The following RGS6 variants were observed in gnomAD, a reference collection of about 807,000 sequenced individuals.
RGS6 encodes regulator of G-protein signaling 6.
RGS6 carries 30 observed loss-of-function variants against 78.5 expected under a neutral mutation model. That is an observed-to-expected ratio of 0.38 (90% CI 0.29 to 0.52). RGS6 has a LOEUF of 0.52. Ranked by LOEUF, RGS6 falls within the 20% of genes least tolerant of loss-of-function variation. The pLI is 0.85. For missense variants in RGS6, 495 were observed against 609.7 expected (o/e 0.81, Z 1.98); for synonymous variants, 206 against 206.0 (o/e 1.00, Z 0.00).
In RGS6 at chr14:72,168,381, C is replaced by T. The variant is rs139114547; in HGVS notation, c.85-183714C>T. The stretch of plus-strand genomic sequence containing the variant: ...GAGAGTGGACGTGGAATCCTGATGG[C>T]GGGGAATCCCAGGGTCCTGTGACCC... On this transcript the variant is annotated intron_variant, in intron 2 of 17. Transcript: ENST00000553525. Among the ~76,000 whole-genome samples, 483 of 152,252 alleles carry T rather than the reference C, an allele frequency of 3.2e-3. 4 individuals are homozygous for T. Among genetic ancestry groups the T allele is most frequent in the African/African-American group, 0.01 (425 of 41,548 alleles).
intron 2 of RGS6, among the ~76,000 whole-genome samples, chr14:72,320,080 TA>T (rs1176430284): frequency 6.6e-6 from 1 of 151,874 alleles, no homozygotes; most frequent in Non-Finnish European, 1.5e-5. Flanking sequence ...GACCACAGTT[TA>T]AAAAAAACCT....
chr14:72,279,787 T>C (rs996694609), intron 2 of RGS6, among the ~76,000 whole-genome samples: 2 of 152,086 alleles, frequency 1.3e-5, no homozygotes, highest in African/African-American at 4.8e-5. Flanking sequence ...AGGGTGGCAA[T>C]TGAGATAGAT....
intron 4 of RGS6, among the ~76,000 whole-genome samples, chr14:72,457,109 A>AG (rs1394164816): frequency 6.9e-6 from 1 of 143,960 alleles, no homozygotes; most frequent in Non-Finnish European, 1.5e-5. Context: ...AAAAAAAAAA[A>AG]TAGCAAATTG....
intron 3 of RGS6, among the ~76,000 whole-genome samples, chr14:72,418,083 G>A (rs541655807): frequency 2.6e-5 from 4 of 152,096 alleles, no homozygotes; most frequent in African/African-American, 9.6e-5. Flanking sequence ...CAAAAGCCAC[G>A]GCCCATTTTA....
intron 2 of RGS6, among the ~76,000 whole-genome samples, chr14:72,330,624 A>G (rs1477253015): frequency 6.6e-6 from 1 of 152,190 alleles, no homozygotes; most frequent in Non-Finnish European, 1.5e-5. Context: ...ACCTCTGCAG[A>G]GTGGGATTTA....
intron 3 of RGS6, among the ~76,000 whole-genome samples, chr14:72,373,079 A>T (rs1053271725): frequency 2.0e-5 from 3 of 152,188 alleles, no homozygotes; most frequent in Non-Finnish European, 4.4e-5. Flanking sequence ...ACAGAGAAAG[A>T]GAGGAAAAGA....
At chr14:72,492,718 C>T (rs1201678352) in intron 12 of RGS6, among the ~76,000 whole-genome samples, 2 of 152,104 alleles carry the variant, frequency 1.3e-5, no homozygotes, top group African/African-American at 4.8e-5. Context: ...CCTCCCCGAC[C>T]CTGCTCTCAG....
rs548197943 is a variant in RGS6, at chr14:72,452,982, G to A, written c.185-1546G>A. Among the ~76,000 whole-genome samples, 18 of 152,338 alleles carry A rather than the reference G, an allele frequency of 1.2e-4. No individual in the cohort carries two copies. In the South Asian group the frequency reaches 3.5e-3, roughly 30 times the overall value. ...GGAACTCCAGGCCACACCCTGCAAG[G>A]AAGCAGCTGAGGGACCCAGGCCTGT... On this transcript the variant is annotated intron_variant, in intron 3 of 17. Coordinates refer to ENST00000553525, the MANE Select transcript of RGS6 (RefSeq NM_001204424.2).
At chr14:72,371,484 G>A (rs774014391) in intron 3 of RGS6, among the ~76,000 whole-genome samples, 6 of 152,110 alleles carry the variant, frequency 3.9e-5, no homozygotes, top group Non-Finnish European at 5.9e-5. Flanking sequence ...ATTCTGGGCC[G>A]GGCATGGTGG....
chr14:72,342,866 C>G (rs2077306256), intron 2 of RGS6, among the ~76,000 whole-genome samples: 2 of 152,140 alleles, frequency 1.3e-5, no homozygotes, highest in Non-Finnish European at 1.5e-5. Flanking sequence ...CAGGCATCTT[C>G]CCTGTCGTCA....
At chr14:71,877,735 C>T in the RGS6 span, among the ~76,000 whole-genome samples, 1 of 152,216 alleles carries the variant, frequency 6.6e-6, no homozygotes, top group African/African-American at 2.4e-5. Context: ...CAAGAAGCTG[C>T]ATTCCTTTGG....
intron 1 of RGS6, among the ~76,000 whole-genome samples, chr14:71,954,401 G>T (rs1566901819): frequency 6.6e-6 from 1 of 151,600 alleles, no homozygotes; most frequent in Non-Finnish European, 1.5e-5. Flanking sequence ...GGAAATTCAT[G>T]ATTGACTTTC....
chr14:72,286,366 A>G (rs993356635), intron 2 of RGS6, among the ~76,000 whole-genome samples: 2 of 152,128 alleles, frequency 1.3e-5, no homozygotes, highest in South Asian at 2.1e-4. Flanking sequence ...CCATTGATCT[A>G]TATGTCTGTC....
In RGS6 at chr14:71,947,985, A is replaced by G. The variant is rs1053431523; in HGVS notation, c.-21+15044A>G. Among the ~76,000 whole-genome samples, 5 of 152,192 alleles carry G rather than the reference A, an allele frequency of 3.3e-5. No homozygotes were observed. In the East Asian group the frequency reaches 9.6e-4, roughly 29 times the overall value. ...TCTGATGCAGACTAAACAAAAAAAT[A>G]CCAATAACCCAACTGAACTGAAGCA... On this transcript the variant is annotated intron_variant, in intron 1 of 17. Transcript: ENST00000553525.
intron 3 of RGS6, among the ~76,000 whole-genome samples, chr14:72,383,287 G>A (rs2086821331): frequency 6.7e-6 from 1 of 148,686 alleles, no homozygotes; most frequent in African/African-American, 2.5e-5. Context: ...TAAAATAAAG[G>A]TGTATCACGA....
chr14:72,167,905 G>A (rs968824226), intron 2 of RGS6, among the ~76,000 whole-genome samples: 2 of 152,110 alleles, frequency 1.3e-5, no homozygotes, highest in African/African-American at 4.8e-5. Flanking sequence ...CCCTATTGGA[G>A]CACCTGCCTA....
intron 2 of RGS6, among the ~76,000 whole-genome samples, chr14:72,298,169 A>G (rs2065252579): frequency 6.6e-6 from 1 of 151,878 alleles, no homozygotes; most frequent in Non-Finnish European, 1.5e-5. Flanking sequence ...TTTCTTATGG[A>G]GAGTTTTTAT....
At chr14:72,496,372 C>T (rs2096645730) in intron 13 of RGS6, among the ~76,000 whole-genome samples, 1 of 152,214 alleles carries the variant, frequency 6.6e-6, no homozygotes, top group South Asian at 2.1e-4. Flanking sequence ...TCAGTTTCAA[C>T]ATTAGAGCAC....
At chr14:72,373,867 A>G (rs1032212244) in intron 3 of RGS6, among the ~76,000 whole-genome samples, 3 of 152,142 alleles carry the variant, frequency 2.0e-5, no homozygotes, top group African/African-American at 4.8e-5. Context: ...AAAAAATGCA[A>G]GTTTTATAAT....
Sources: allele counts gnomAD v4.1 joint callset (sites outside exome capture counted in the v4.1 genomes callset), GRCh38; gene constraint gnomAD v4.1.1; transcripts MANE v1.5; gene names NCBI Gene and HGNC (gene_info 2026-07-23, HGNC 2026-07-21).